RALB: variants seen among roughly 807,000 people sequenced by gnomAD.
RALB encodes ras-related protein Ral-B.
Under a neutral mutation model 21.3 loss-of-function variants are expected in RALB, and 16 were observed. The observed-to-expected ratio is 0.75, with a 90% CI of 0.51 to 1.14. The LOEUF (loss-of-function observed/expected upper bound fraction) is 1.14. RALB is among the 50% of genes most tolerant of loss of function. RALB has a pLI of 0.00. For missense variants in RALB, 161 were observed against 256.2 expected (o/e 0.63, Z 2.54); for synonymous variants, 93 against 96.1 (o/e 0.97, Z 0.19).
At chr2:120,266,410 A>C (rs541409895) in intron 1 of RALB, among the ~76,000 whole-genome samples, 149 of 152,214 alleles carry the variant, frequency 9.8e-4, no homozygotes, top group African/African-American at 3.4e-3. Context: ...ACGCCCAGCT[A>C]ATTTTTATAT....
At chr2:120,261,579 G>A (rs769202603) in intron 1 of RALB, among the ~76,000 whole-genome samples, 14 of 152,288 alleles carry the variant, frequency 9.2e-5, no homozygotes, top group Non-Finnish European at 1.6e-4. Context: ...TAAGTGCATT[G>A]AGAGTGGAGT....
rs878977105 is a variant in RALB, at chr2:120,294,424, C to A, written c.*1164C>A. ...AAAAAGATTTTCATTGATGACATAT[C>A]TTTAAACTTTCTTGCATCAGTATTC... is the stretch of plus-strand genomic sequence containing the variant. On this transcript the variant is annotated 3_prime_UTR_variant, in exon 5 of 5. Transcript: ENST00000272519. The A allele has an allele frequency of 7.6e-6, 3 of 396,920 alleles. No homozygotes were observed. The highest frequency in any genetic ancestry group is 6.2e-5 in the African/African-American group (3 of 48,606). 24.6% of individuals were successfully genotyped at this position (396,920 alleles called of 1,614,324 possible). A position where few individuals can be genotyped will look rare whatever the true frequency, so the allele number is the denominator to read the frequency against.
intron 2 of RALB, among the ~76,000 whole-genome samples, chr2:120,281,327 C>T (rs993840679): frequency 5.9e-5 from 9 of 152,236 alleles, no homozygotes; most frequent in African/African-American, 2.2e-4. Flanking sequence ...CAGTCTCCAG[C>T]CAGCCTAGAC....
chr2:120,270,140 G>T (rs945360870), intron 1 of RALB, among the ~76,000 whole-genome samples: 1 of 152,022 alleles, frequency 6.6e-6, no homozygotes, highest in East Asian at 1.9e-4. Flanking sequence ...ACTTTGTTTT[G>T]TGTTGCAAAT....
rs531833354 is a variant in RALB, at chr2:120,253,130, C to G, written c.-48+150C>G. The G allele has an allele frequency of 9.0e-5, 47 of 522,906 alleles. No homozygotes were observed. The African/African-American group carries it at 9.1e-4, about 10-fold the overall frequency. 32.4% of individuals were successfully genotyped at this position (522,906 alleles called of 1,614,324 possible). A position where few individuals can be genotyped will look rare whatever the true frequency, so the allele number is the denominator to read the frequency against. On this transcript the variant is annotated intron_variant, in intron 1 of 4. Transcript: ENST00000272519. ...GTCGCGCCCCGAGGCCGGCGGAGGG[C>G]GACGCCCCGGCAGCGGCCCCGCTCC...
At chr2:120,244,575 C>T (rs1688941012) in intron 1 of RALB, among the ~76,000 whole-genome samples, 1 of 152,230 alleles carries the variant, frequency 6.6e-6, no homozygotes, top group Non-Finnish European at 1.5e-5. Flanking sequence ...AATAGCACCC[C>T]TTCATCCTTG....
rs750527888 is a variant in RALB, at chr2:120,246,672, C to T, written c.19+6547C>T. Among the ~76,000 whole-genome samples the T allele has an allele frequency of 4.6e-5, 7 of 152,360 alleles. No homozygotes were observed. In the East Asian group the frequency reaches 1.2e-3, roughly 25 times the overall value. On this transcript the variant is annotated intron_variant, in intron 1 of 3. Transcript: ENST00000447591. The stretch of plus-strand genomic sequence containing the variant: ...CCAAGGACCTGGATCCGCCTGGGTG[C>T]GGTCAGCATGTAGGATAGGTGGGCT...
intron 1 of RALB, among the ~76,000 whole-genome samples, chr2:120,260,642 G>T (rs1689340941): frequency 6.6e-6 from 1 of 152,250 alleles, no homozygotes; most frequent in Non-Finnish European, 1.5e-5. Context: ...AGCCACCCGG[G>T]AAGCACTCAG....
rs760095690 is a variant in RALB at position 120,289,749 on chromosome 2, G to T, written c.493G>T (p.Val165Leu). ...VETSAKTRAN[V>L]DKVFFDLMRE... ...GACGTCAGCGAAGACCCGGGCCAACGTGGACAAGGTAGGCGTGAATTCTGT... is the reference window on the plus strand; with the variant it reads ...GACGTCAGCGAAGACCCGGGCCAACTTGGACAAGGTAGGCGTGAATTCTGT... Residue 165 changes from valine (V) to leucine (L), a missense_variant, in exon 4 of 5, where the codon GTG becomes TTG. Physicochemically the swap from Val to Leu is conservative, Grantham distance 32. Coordinates refer to ENST00000272519, the MANE Select transcript of RALB (RefSeq NM_002881.3). The T allele has an allele frequency of 6.2e-7, 1 of 1,605,744 alleles. No individual in the cohort carries two copies. The highest frequency in any genetic ancestry group is 2.2e-5 in the East Asian group (1 of 44,558).
At chr2:120,253,223 G>C in intron 1 of RALB, 2 of 350,308 alleles carry the variant, frequency 5.7e-6, no homozygotes, top group Non-Finnish European at 8.0e-6. Context: ...AGTGGGGGCG[G>C]CCTCCGCCTC....
intron 1 of RALB, among the ~76,000 whole-genome samples, chr2:120,246,553 G>A (rs1042668239): frequency 2.6e-5 from 4 of 152,172 alleles, no homozygotes; most frequent in African/African-American, 9.7e-5. Flanking sequence ...TTCCTAACTC[G>A]GGTCTTCATG....
chr2:120,259,916 C>T (rs966852005), intron 1 of RALB, among the ~76,000 whole-genome samples: 14 of 152,316 alleles, frequency 9.2e-5, no homozygotes, highest in Non-Finnish European at 1.6e-4. Context: ...AGCCAAGGCC[C>T]GGCGAGAAAT....
intron 1 of RALB, among the ~76,000 whole-genome samples, chr2:120,267,220 G>C (rs553242300): frequency 6.6e-6 from 1 of 152,050 alleles, no homozygotes; most frequent in Non-Finnish European, 1.5e-5. Context: ...TGGAGGGGGC[G>C]CGTGGGAAGG....
At chr2:120,278,558 T>C in intron 1 of RALB, 60 bp from the exon 2 acceptor site, 2 of 1,332,598 alleles carry the variant, frequency 1.5e-6, no homozygotes, top group East Asian at 3.0e-5. Flanking sequence ...GTGAATGACA[T>C]TTGGTTTTAG....
At chr2:120,282,916 A>G (rs1411237546) in intron 2 of RALB, among the ~76,000 whole-genome samples, 1 of 152,168 alleles carries the variant, frequency 6.6e-6, no homozygotes, top group East Asian at 1.9e-4. Flanking sequence ...GCTGGTGGCT[A>G]CTATATTGGA....
At chr2:120,290,282 C>T (rs1690276878) in intron 4 of RALB, among the ~76,000 whole-genome samples, 1 of 152,204 alleles carries the variant, frequency 6.6e-6, no homozygotes, top group African/African-American at 2.4e-5. Context: ...AGCCACCACA[C>T]CCGGCGGACT....
intron 1 of RALB, among the ~76,000 whole-genome samples, chr2:120,241,013 C>T (rs1189880429): frequency 6.6e-6 from 1 of 152,160 alleles, no homozygotes; most frequent in East Asian, 1.9e-4. Context: ...TCACAAGGAC[C>T]CCAGATCCAC....
chr2:120,256,201 G>T (rs1689195228), intron 1 of RALB, among the ~76,000 whole-genome samples: 1 of 152,170 alleles, frequency 6.6e-6, no homozygotes. Context: ...TTCCAAAATG[G>T]CACGTTCACA....
At chr2:120,255,360 G>T (rs1176247743) in intron 1 of RALB, among the ~76,000 whole-genome samples, 1 of 152,138 alleles carries the variant, frequency 6.6e-6, no homozygotes, top group Non-Finnish European at 1.5e-5. Flanking sequence ...TCATCACATG[G>T]CGGAGTAGTT....
Sources: allele counts gnomAD v4.1 joint callset (sites outside exome capture counted in the v4.1 genomes callset), GRCh38; gene constraint gnomAD v4.1.1; transcripts MANE v1.5; gene names NCBI Gene and HGNC (gene_info 2026-07-23, HGNC 2026-07-21).